CREBL2: variants seen among roughly 807,000 people sequenced by gnomAD.
CREBL2 encodes cAMP-responsive element-binding protein-like 2.
In CREBL2, 4 loss-of-function variants were observed where a neutral mutation model predicts 19.5. The ratio of observed to expected loss-of-function variants is 0.20; its 90% CI spans 0.10 to 0.47. The LOEUF is 0.47. Ranked by LOEUF, CREBL2 falls within the 20% of genes least tolerant of loss-of-function variation. The pLI is 0.98. For synonymous variants in CREBL2, 42 were observed against 46.6 expected (o/e 0.90, Z 0.40); for missense variants, 85 against 145.1 (o/e 0.59, Z 2.13).
chr12:12,625,221 TTGTCGGGGACCCACCCTTTTC>T, intron 1 of CREBL2, among the ~76,000 whole-genome samples: 1 of 152,276 alleles, frequency 6.6e-6, no homozygotes, highest in Non-Finnish European at 1.5e-5. Flanking sequence ...GGATGGGGTT[TTGTCGGGGACCCACCCTTTTC>T]TGTCTAGAAT....
chr12:12,638,774 C>T (rs895270067), intron 3 of CREBL2, among the ~76,000 whole-genome samples: 2 of 152,200 alleles, frequency 1.3e-5, no homozygotes, highest in Non-Finnish European at 2.9e-5. Flanking sequence ...CCTGTCCTCA[C>T]CTAATCCAGG....
intron 1 of CREBL2, among the ~76,000 whole-genome samples, chr12:12,631,776 G>A (rs1945444085): frequency 6.6e-6 from 1 of 152,090 alleles, no homozygotes; most frequent in Non-Finnish European, 1.5e-5. Context: ...CTACATTTGT[G>A]TAATACTTTT....
chr12:12,639,874 G>A (rs1447586001), intron 3 of CREBL2, among the ~76,000 whole-genome samples: 1 of 152,174 alleles, frequency 6.6e-6, no homozygotes, highest in Non-Finnish European at 1.5e-5. Context: ...GGGAGGTGGT[G>A]TAAGAACAGG....
At chr12:12,641,889 C>T (rs1945525039) in intron 3 of CREBL2, 105 bp from the exon 4 acceptor site, 1 of 556,206 alleles carries the variant, frequency 1.8e-6, no homozygotes. Flanking sequence ...ATTAGCCTTA[C>T]TGAAGATACT....
At chr12:12,635,407 T>C (rs2136306033) in intron 1 of CREBL2, among the ~76,000 whole-genome samples, 1 of 151,954 alleles carries the variant, frequency 6.6e-6, no homozygotes, top group East Asian at 1.9e-4. Context: ...ACAAAATATT[T>C]AGTAGACATT....
At chr12:12,617,479 G>A (rs1057215381) in intron 1 of CREBL2, among the ~76,000 whole-genome samples, 1 of 151,822 alleles carries the variant, frequency 6.6e-6, no homozygotes, top group African/African-American at 2.4e-5. Flanking sequence ...TGGCCAATAG[G>A]TGAGGCCTTG....
intron 1 of CREBL2, chr12:12,615,644 C>G (rs1341555769): frequency 6.6e-6 from 1 of 152,104 alleles, no homozygotes; most frequent in African/African-American, 2.4e-5. Flanking sequence ...CAGGTGTGTG[C>G]CACCATGCCC....
chr12:12,622,006 A>G (rs1183628474), intron 1 of CREBL2, among the ~76,000 whole-genome samples: 2 of 152,222 alleles, frequency 1.3e-5, no homozygotes, highest in Non-Finnish European at 2.9e-5. Flanking sequence ...GTTTTAGCAT[A>G]TGACTGGAGT....
In CREBL2 at chr12:12,641,253, A is replaced by ATTT. The variant is rs142404101; in HGVS notation, c.359-734_359-732dup. Among the ~76,000 whole-genome samples the ATTT allele has an allele frequency of 1.2e-3, 91 of 78,232 alleles. 7 individuals are homozygous for ATTT. Among genetic ancestry groups the ATTT allele is most frequent in the African/African-American group, 3.6e-3 (75 of 20,874 alleles). 51.3% of individuals were successfully genotyped at this position (78,232 alleles called of 152,430 possible). Reference sequence around the variant, plus strand: ...TATTATTATTATTATTATTATTATTATTTTTTTTTATTTTTTTTTTTTTTA... The same window carrying ATTT: ...TATTATTATTATTATTATTATTATTATTTTTTTTTTTTATTTTTTTTTTTTTTA... On this transcript the variant is annotated intron_variant, in intron 3 of 3. Coordinates refer to ENST00000228865, the MANE Select transcript of CREBL2 (RefSeq NM_001310.4).
intron 1 of CREBL2, 130 bp from the exon 2 acceptor site, chr12:12,635,647 T>C: frequency 3.8e-6 from 4 of 1,066,438 alleles, no homozygotes; most frequent in Non-Finnish European, 3.9e-6. Context: ...GATGGGATTA[T>C]GCTTTCTTAG....
intron 1 of CREBL2, among the ~76,000 whole-genome samples, chr12:12,624,668 G>A (rs768321290): frequency 4.6e-5 from 7 of 152,208 alleles, no homozygotes; most frequent in Non-Finnish European, 8.8e-5. Flanking sequence ...CAGAGGGAGT[G>A]TTACAGTGCT....
intron 1 of CREBL2, 70 bp from the exon 2 acceptor site, chr12:12,635,707 T>C: frequency 6.6e-7 from 1 of 1,504,486 alleles, no homozygotes; most frequent in Non-Finnish European, 8.9e-7. Flanking sequence ...TCTTTGCTAA[T>C]ATGCAGCCAT....
At chr12:12,627,603 C>T (rs923650193) in intron 1 of CREBL2, among the ~76,000 whole-genome samples, 2 of 152,134 alleles carry the variant, frequency 1.3e-5, no homozygotes, top group Non-Finnish European at 2.9e-5. Context: ...GGATATACTA[C>T]TTTTTGTTAT....
At chr12:12,621,338 G>C (rs1945357873) in intron 1 of CREBL2, among the ~76,000 whole-genome samples, 1 of 152,086 alleles carries the variant, frequency 6.6e-6, no homozygotes, top group Non-Finnish European at 1.5e-5. Flanking sequence ...GACTAACATA[G>C]AGAAACCCCA....
chr12:12,612,520 C>G (rs1274631206), intron 1 of CREBL2, among the ~76,000 whole-genome samples: 1 of 152,180 alleles, frequency 6.6e-6, no homozygotes, highest in African/African-American at 2.4e-5. Flanking sequence ...CCTCCTCTCT[C>G]CAGTTTGGAG....
At chr12:12,616,395 A>G (rs1945311730) in intron 1 of CREBL2, among the ~76,000 whole-genome samples, 3 of 152,340 alleles carry the variant, frequency 2.0e-5, no homozygotes, top group Non-Finnish European at 4.4e-5. Flanking sequence ...TACACAGGTA[A>G]GCACAGTGAA....
At chr12:12,614,744 T>G (rs551245799) in intron 1 of CREBL2, 117 of 330,962 alleles carry the variant, frequency 3.5e-4, no homozygotes, top group Non-Finnish European at 3.3e-4. Flanking sequence ...AATATACACA[T>G]TAATTCTCTT....
chr12:12,623,909 G>C (rs1002448200), intron 1 of CREBL2, among the ~76,000 whole-genome samples: 1 of 152,280 alleles, frequency 6.6e-6, no homozygotes, highest in South Asian at 2.1e-4. Context: ...AGGAAGCAGC[G>C]TGACCACTGA....
At chr12:12,619,565 C>G (rs1945344255) in intron 1 of CREBL2, among the ~76,000 whole-genome samples, 1 of 152,158 alleles carries the variant, frequency 6.6e-6, no homozygotes, top group Non-Finnish European at 1.5e-5. Context: ...GAGCCGAGAT[C>G]ACGCCACTGC....
Sources: allele counts gnomAD v4.1 joint callset (sites outside exome capture counted in the v4.1 genomes callset), GRCh38; gene constraint gnomAD v4.1.1; transcripts MANE v1.5; gene names NCBI Gene and HGNC (gene_info 2026-07-23, HGNC 2026-07-21).